The following PRKAB1 variants were observed in gnomAD, a reference collection of about 807,000 sequenced individuals.
PRKAB1 encodes the protein 5'-AMP-activated protein kinase subunit beta-1.
Under a neutral mutation model 32.0 loss-of-function variants are expected in PRKAB1, and 18 were observed. That is an observed-to-expected ratio of 0.56 (90% CI 0.39 to 0.83). PRKAB1 has a LOEUF of 0.83. PRKAB1 is among the 40% of genes least tolerant of loss of function. The pLI, the probability that PRKAB1 is intolerant of heterozygous loss-of-function variation, is 0.00. For synonymous variants in PRKAB1, 141 were observed against 141.4 expected (o/e 1.00, Z 0.02); for missense variants, 263 against 352.6 (o/e 0.75, Z 2.03).
chr12:119,668,459 C>T, intron 1 of PRKAB1, 56 bp downstream of exon 1: 6 of 1,582,052 alleles, frequency 3.8e-6, no homozygotes, highest in East Asian at 4.6e-5. Flanking sequence ...GGAGAGGAAC[C>T]CTCCACTAGA....
rs746047315 is a variant in PRKAB1, at chr12:119,668,287, G to C, written c.43G>C (p.Gly15Arg). 1.9e-6 allele frequency: 3 copies of C among 1,611,008 alleles called. No individual in the cohort carries two copies. The highest frequency in any genetic ancestry group is 2.2e-5 in the East Asian group (1 of 44,664). ...SSERAALERH[G>R]GHKTPRRDSS... is the part of the protein sequence containing the mutation. ...TGAGCGCGCCGCGCTGGAGCGGCAT[G>C]GTGGCCATAAGACGCCCCGGAGGGA... is the stretch of plus-strand genomic sequence containing the variant. Residue 15 changes from glycine to arginine, a missense_variant, in exon 1 of 7, where the codon GGT becomes CGT. By Grantham distance (125) the Gly-to-Arg change is moderately radical. Coordinates refer to ENST00000229328, the MANE Select transcript of PRKAB1 (RefSeq NM_006253.5).
At chr12:119,669,208 G>A (rs1398731374) in intron 1 of PRKAB1, among the ~76,000 whole-genome samples, 1 of 151,858 alleles carries the variant, frequency 6.6e-6, no homozygotes, top group Non-Finnish European at 1.5e-5. Flanking sequence ...CAATCTTTAT[G>A]CCTTGGCCTC....
chr12:119,674,067 C>T lies in PRKAB1; in HGVS notation c.417+10C>T. On this transcript the variant is annotated intron_variant, in intron 3 of 6. Transcript: ENST00000229328. This position sits in a 1 kb window ranked among gnomAD's most constrained non-coding sequence, Gnocchi z 4.3. ...GCACGACCCTTCCGAGGTACTCTTC[C>T]TCCCACCTCTGGTCCTCTGGGTGCC... The T allele has an allele frequency of 6.2e-7, 1 of 1,610,576 alleles. No individual in the cohort carries two copies. The highest frequency in any genetic ancestry group is 8.5e-7 in the Non-Finnish European group (1 of 1,177,548).
intron 1 of PRKAB1, 77 bp from the exon 2 acceptor site, chr12:119,672,224 C>G (rs1955392948): frequency 7.2e-7 from 1 of 1,389,974 alleles, no homozygotes; most frequent in Admixed American, 2.5e-5. Context: ...ACAGCTGCGT[C>G]TTTAGAATGA....
In PRKAB1 at chr12:119,674,978, G is replaced by A. The variant is rs1225903956; in HGVS notation, c.532+524G>A. On this transcript the variant is annotated intron_variant, in intron 4 of 6. Transcript: ENST00000229328. This position sits in a 1 kb window ranked among gnomAD's most constrained non-coding sequence, Gnocchi z 4.3. ...ACAGCCCAACTCTCCTTGATGGGAA[G>A]CTATTTGGTACAGAAATACAGACCC... Among the ~76,000 whole-genome samples the A allele has an allele frequency of 6.6e-6, 1 of 152,242 alleles. No homozygotes were observed. The highest frequency in any genetic ancestry group is 1.5e-5 in the Non-Finnish European group (1 of 68,042).
At position 119,679,749 on chromosome 12, in the gene PRKAB1, A is replaced by C; in HGVS notation, c.667-184A>C. ...AGCAGGCATGCAGGGAGCTCCCTTC[A>C]GGTCAGAAGGCGTGACCTTCATCTC... On this transcript the variant is annotated intron_variant, in intron 5 of 6. Transcript: ENST00000229328. The surrounding 1 kb of genome is among the most constrained non-coding windows in gnomAD (Gnocchi z 4.1). The C allele has an allele frequency of 1.6e-6, 1 of 620,832 alleles. No individual in the cohort carries two copies. The highest frequency in any genetic ancestry group is 2.9e-6 in the Non-Finnish European group (1 of 342,256). The allele number at this position is 620,832 out of a possible 1,614,324, so 38.5% of individuals were successfully genotyped here.
chr12:119,676,459 A>AGAT (rs1236037961), intron 4 of PRKAB1, 78 bp from the exon 5 acceptor site: 1 of 1,424,892 alleles, frequency 7.0e-7, no homozygotes, highest in Non-Finnish European at 9.6e-7. Context: ...AAGGAAAATG[A>AGAT]GATGATGACA....
Position 119,679,797 on chromosome 12 carries a change from T to G in PRKAB1, c.667-136T>G. On this transcript the variant is annotated intron_variant, in intron 5 of 6. Transcript: ENST00000229328. The surrounding 1 kb of genome is among the most constrained non-coding windows in gnomAD (Gnocchi z 4.1). The stretch of plus-strand genomic sequence containing the variant: ...CTCACCTGTCGTCTTGGACAAGCCC[T>G]TGCGCTGCCTGATTTGGGAAGAGAG... The G allele has an allele frequency of 1.1e-6, 1 of 904,550 alleles. No homozygotes were observed. The highest frequency in any genetic ancestry group is 1.8e-6 in the Non-Finnish European group (1 of 559,740). 56.0% of individuals were successfully genotyped at this position (904,550 alleles called of 1,614,324 possible).
rs1466901552 is a variant in PRKAB1 at position 119,679,695 on chromosome 12, C to T, written c.667-238C>T. The T allele has an allele frequency of 3.8e-6, 2 of 523,044 alleles. No homozygotes were observed. The highest frequency in any genetic ancestry group is 6.2e-5 in the Admixed American group (2 of 32,156). The allele number at this position is 523,044 out of a possible 1,614,324, so 32.4% of individuals were successfully genotyped here. A position where few individuals can be genotyped will look rare whatever the true frequency, so the allele number is the denominator to read the frequency against. ...CACTTGAAAGAGGCCGGGGTAAATGCCTGGCCAGAGACACACACCGATGCC... is the reference window on the plus strand; with the variant it reads ...CACTTGAAAGAGGCCGGGGTAAATGTCTGGCCAGAGACACACACCGATGCC... On this transcript the variant is annotated intron_variant, in intron 5 of 6. Transcript: ENST00000229328. The surrounding 1 kb of genome is among the most constrained non-coding windows in gnomAD (Gnocchi z 4.1).
chr12:119,668,567 A>G (rs1955358632), intron 1 of PRKAB1, among the ~76,000 whole-genome samples, 164 bp downstream of exon 1: 1 of 152,258 alleles, frequency 6.6e-6, no homozygotes, highest in South Asian at 2.1e-4. Context: ...GAGTTCTCTT[A>G]GCGGTCCAAG....
At position 119,674,032 on chromosome 12, in the gene PRKAB1, G is replaced by A; in HGVS notation, c.392G>A (p.Gly131Asp). 6.2e-7 allele frequency: 1 copy of A among 1,614,042 alleles called. No homozygotes were observed. The highest frequency in any genetic ancestry group is 8.5e-7 in the Non-Finnish European group (1 of 1,179,998). ...CATCAGTACAAGTTCTTTGTGGATGGTCAGTGGACGCACGACCCTTCCGAG... is the reference window on the plus strand; with the variant it reads ...CATCAGTACAAGTTCTTTGTGGATGATCAGTGGACGCACGACCCTTCCGAG... ...GEHQYKFFVDGQWTHDPSEPI... is the reference protein window; with the variant it reads ...GEHQYKFFVDDQWTHDPSEPI... The change falls in exon 3 of 7, where the codon GGT becomes GAT. Residue 131 changes from glycine (G) to aspartate (D), a missense_variant. Gly to Asp is a moderately conservative substitution (Grantham distance 94, BLOSUM62 -1). Transcript: ENST00000229328. The surrounding 1 kb of genome is among the most constrained non-coding windows in gnomAD (Gnocchi z 4.3).
rs764888871 is a variant in PRKAB1 at position 119,668,259 on chromosome 12, C to T, written c.15C>T (p.Ser5=). 1 of 1,606,690 alleles carries T rather than the reference C, an allele frequency of 6.2e-7. No individual in the cohort carries two copies. Among genetic ancestry groups the T allele is most frequent in the Non-Finnish European group, 8.5e-7 (1 of 1,177,486 alleles). MGNT[S]SERAALERHG... The stretch of plus-strand genomic sequence containing the variant: ...AGACCCCCATCATGGGCAATACCAG[C>T]AGTGAGCGCGCCGCGCTGGAGCGGC... Residue 5 remains serine, a synonymous_variant, in exon 1 of 7, where the codon AGC becomes AGT. Transcript: ENST00000229328.
Position 119,668,179 on chromosome 12 carries a change from T to C in PRKAB1, c.-66T>C. 2.1e-6 allele frequency: 3 copies of C among 1,448,916 alleles called. No individual in the cohort carries two copies. Among genetic ancestry groups the C allele is most frequent in the African/African-American group, 1.5e-5 (1 of 67,626 alleles). The allele number at this position is 1,448,916 out of a possible 1,614,324, so 89.8% of individuals were successfully genotyped here. ...GGGACCCGCGGTTCCGGGAGTCCCTTGCTCAGGGTCCCTTTCCTGCAGTGA... is the reference window on the plus strand; with the variant it reads ...GGGACCCGCGGTTCCGGGAGTCCCTCGCTCAGGGTCCCTTTCCTGCAGTGA... On this transcript the variant is annotated 5_prime_UTR_variant, in exon 1 of 7. Transcript: ENST00000229328.
intron 5 of PRKAB1, chr12:119,677,874 C>T (rs1188320140): frequency 1.3e-5 from 2 of 148,792 alleles, no homozygotes; most frequent in African/African-American, 2.5e-5. Context: ...ACGCCATTCT[C>T]CTGCCTCAGC....
Position 119,669,125 on chromosome 12 carries a change from A to T in PRKAB1, c.159+722A>T, listed in dbSNP as rs550520713. ...GAGCTAGACTTCGTCTCAAAAAAAA[A>T]ATATAAATAAAAATAAAAAAGACGG... is the stretch of plus-strand genomic sequence containing the variant. On this transcript the variant is annotated intron_variant, in intron 1 of 6. Transcript: ENST00000229328. 4.2e-3 allele frequency among the ~76,000 whole-genome samples: 636 copies of T among 150,616 alleles called. 1 individual carries two copies. Among genetic ancestry groups the T allele is most frequent in the Middle Eastern group, 0.031 (9 of 294 alleles).
rs1955455859 is a variant in PRKAB1 at position 119,680,355 on chromosome 12, A to ATGG, written c.*30_*31insTGG. On this transcript the variant is annotated 3_prime_UTR_variant, in exon 7 of 7. Transcript: ENST00000229328. ...CTGGGGGCGGATGGTGGCCCAGGAG[A>ATGG]CAGCACACCACCAGGCTCCACACGT... 3 of 1,574,172 alleles carry ATGG rather than the reference A, an allele frequency of 1.9e-6. No individual in the cohort carries two copies. The highest frequency in any genetic ancestry group is 2.6e-6 in the Non-Finnish European group (3 of 1,145,888).
At chr12:119,668,437 G>A (rs759008332) in intron 1 of PRKAB1, 34 bp downstream of exon 1, 1 of 1,606,938 alleles carries the variant, frequency 6.2e-7, no homozygotes, top group Non-Finnish European at 8.5e-7. Context: ...GATTCCCCTT[G>A]ACTAATGTTG....
At chr12:119,668,625 G>A (rs535185819) in intron 1 of PRKAB1, among the ~76,000 whole-genome samples, 1 of 152,336 alleles carries the variant, frequency 6.6e-6, no homozygotes, top group East Asian at 1.9e-4. Context: ...GAGGGAGGAG[G>A]TGCTCACTTG....
intron 2 of PRKAB1, 117 bp downstream of exon 2, chr12:119,672,581 A>C (rs1955396293): frequency 8.5e-7 from 1 of 1,181,966 alleles, no homozygotes; most frequent in African/African-American, 1.6e-5. Flanking sequence ...CTAGTGGAAA[A>C]ATAATTTTGC....
Sources: gnomAD v4.1 joint callset for allele counts (sites outside exome capture counted in the v4.1 genomes callset) on GRCh38, gnomAD v4.1.1 for gene constraint, Gnocchi (gnomAD v3.1) non-coding constraint, MANE v1.5 for transcripts, NCBI Gene and HGNC (gene_info 2026-07-23, HGNC 2026-07-21) for gene names.